Variants in MAP2 observed in about 807,000 individuals in gnomAD.
The protein encoded by MAP2 is microtubule-associated protein 2.
A neutral mutation model predicts 137.6 loss-of-function variants in MAP2; 14 were observed. That is an observed-to-expected ratio of 0.10 (90% CI 0.07 to 0.16). The LOEUF (loss-of-function observed/expected upper bound fraction) is 0.16, where lower values mean the gene tolerates loss of function less well. Ranked by LOEUF, MAP2 falls within the 10% of genes least tolerant of loss-of-function variation. The pLI is 1.00. For synonymous variants in MAP2, 786 were observed against 782.3 expected, an observed-to-expected ratio of 1.00 and a Z score of -0.08; for missense variants, 2,088 against 2,191.5, an observed-to-expected ratio of 0.95 and a Z score of 0.94.
At chr2:209,666,834 C>G (rs1054432930) in intron 5 of MAP2, among the ~76,000 whole-genome samples, 3 of 151,390 alleles carry the variant, frequency 2.0e-5, no homozygotes, top group Non-Finnish European at 2.9e-5. Flanking sequence ...AAAAAAACTC[C>G]CCCAAATTAT....
At chr2:209,456,595 G>A (rs1285447560) in intron 1 of MAP2, among the ~76,000 whole-genome samples, 1 of 152,180 alleles carries the variant, frequency 6.6e-6, no homozygotes, top group East Asian at 1.9e-4. Flanking sequence ...AGGAAGAAAA[G>A]AGCCAATGAC....
At chr2:209,556,892 A>G (rs934647576) in intron 2 of MAP2, among the ~76,000 whole-genome samples, 6 of 152,048 alleles carry the variant, frequency 3.9e-5, no homozygotes, top group African/African-American at 1.4e-4. Context: ...AAAACAAAAT[A>G]AGAATATTCA....
chr2:209,458,733 C>T (rs1433564047), intron 1 of MAP2, among the ~76,000 whole-genome samples: 1 of 152,144 alleles, frequency 6.6e-6, no homozygotes, highest in East Asian at 1.9e-4. Context: ...CACAGGCTGC[C>T]TCCTGCCCAT....
intron 1 of MAP2, among the ~76,000 whole-genome samples, chr2:209,427,262 T>C (rs1279591841): frequency 6.6e-6 from 1 of 152,296 alleles, no homozygotes; most frequent in East Asian, 1.9e-4. Context: ...ATCAATACTA[T>C]CCTCCTTAAT....
intron 2 of MAP2, among the ~76,000 whole-genome samples, chr2:209,571,816 G>C (rs288076): frequency 0.098 from 14,892 of 151,978 alleles, 1,906 homozygotes; most frequent in African/African-American, 0.29. Context: ...TTAAGCAAGT[G>C]TTTTTATTAA....
chr2:209,495,205 C>T (rs1348823468), intron 1 of MAP2, among the ~76,000 whole-genome samples: 1 of 152,216 alleles, frequency 6.6e-6, no homozygotes, highest in Non-Finnish European at 1.5e-5. Flanking sequence ...GTGGATAAAA[C>T]TCCCATCTCC....
At chr2:209,652,927 A>T (rs142330850) in intron 4 of MAP2, among the ~76,000 whole-genome samples, 1 of 152,240 alleles carries the variant, frequency 6.6e-6, no homozygotes, top group African/African-American at 2.4e-5. Flanking sequence ...AATGACATTG[A>T]TCTTATTTTA....
intron 13 of MAP2, among the ~76,000 whole-genome samples, chr2:209,713,400 T>A (rs1440861745): frequency 1.3e-5 from 2 of 152,138 alleles, no homozygotes; most frequent in Non-Finnish European, 2.9e-5. Context: ...GCTCAGTGAG[T>A]CACATCAATG....
intron 5 of MAP2, among the ~76,000 whole-genome samples, chr2:209,665,439 G>C (rs2045891835): frequency 6.6e-6 from 1 of 152,126 alleles, no homozygotes; most frequent in Non-Finnish European, 1.5e-5. Flanking sequence ...ACTCTATAAT[G>C]CATGTCTTTT....
At chr2:209,678,734 TCA>T in intron 6 of MAP2, 49 bp downstream of exon 6, 1 of 1,107,670 alleles carries the variant, frequency 9.0e-7, no homozygotes, top group Non-Finnish European at 1.3e-6. Context: ...TGCACCCTGA[TCA>T]CAGGATAAAG....
At chr2:209,676,070 C>T (rs1444779059) in intron 5 of MAP2, among the ~76,000 whole-genome samples, 1 of 151,622 alleles carries the variant, frequency 6.6e-6, no homozygotes, top group Non-Finnish European at 1.5e-5. Flanking sequence ...GAGTAAAGCT[C>T]AATAAGAGAA....
chr2:209,457,538 C>T (rs537140043), intron 1 of MAP2, among the ~76,000 whole-genome samples: 5 of 152,164 alleles, frequency 3.3e-5, no homozygotes, highest in South Asian at 2.1e-4. Flanking sequence ...AATATTCAAC[C>T]GGTGGTCATA....
intron 5 of MAP2, among the ~76,000 whole-genome samples, chr2:209,667,580 G>T (rs2046900159): frequency 6.6e-6 from 1 of 151,904 alleles, no homozygotes; most frequent in African/African-American, 2.4e-5. Flanking sequence ...TCCTGATTTA[G>T]AAATTTTCCT....
intron 1 of MAP2, among the ~76,000 whole-genome samples, chr2:209,481,089 C>A (rs532309652): frequency 1.3e-5 from 2 of 152,282 alleles, no homozygotes; most frequent in South Asian, 4.2e-4. Context: ...AGGGAAGACT[C>A]TTTTTGGCTT....
intron 1 of MAP2, among the ~76,000 whole-genome samples, chr2:209,436,074 T>C (rs1309372010): frequency 7.3e-6 from 1 of 136,424 alleles, no homozygotes; most frequent in Non-Finnish European, 1.6e-5. Flanking sequence ...AGAACAAAGA[T>C]TAATTTCTAT....
At chr2:209,470,953 G>A (rs550015049) in intron 1 of MAP2, among the ~76,000 whole-genome samples, 1 of 152,206 alleles carries the variant, frequency 6.6e-6, no homozygotes, top group East Asian at 1.9e-4. Flanking sequence ...CCATATTGGA[G>A]TAGACTAATT....
At chr2:209,612,868 G>A (rs1429660202) in intron 3 of MAP2, among the ~76,000 whole-genome samples, 3 of 152,110 alleles carry the variant, frequency 2.0e-5, no homozygotes, top group East Asian at 1.9e-4. Flanking sequence ...GGATAGTTAA[G>A]GATCCTTATC....
chr2:209,727,141 A>G (rs1267192109), intron 14 of MAP2, among the ~76,000 whole-genome samples: 1 of 152,230 alleles, frequency 6.6e-6, no homozygotes, highest in African/African-American at 2.4e-5. Flanking sequence ...AAGAGTTACA[A>G]ACTACATTTA....
At chr2:209,679,033 A>G (rs2053282030) in intron 6 of MAP2, among the ~76,000 whole-genome samples, 1 of 152,142 alleles carries the variant, frequency 6.6e-6, no homozygotes, top group Non-Finnish European at 1.5e-5. Flanking sequence ...TAAAACTTTC[A>G]TAAGAGATGA....
Sources: allele counts gnomAD v4.1 joint callset (sites outside exome capture counted in the v4.1 genomes callset), GRCh38; gene constraint gnomAD v4.1.1; transcripts MANE v1.5; gene names NCBI Gene and HGNC (gene_info 2026-07-23, HGNC 2026-07-21).